The following WDR59 variants were observed in gnomAD, a reference collection of about 807,000 sequenced individuals.
WDR59 encodes WD repeat domain 59, also known as GATOR2 complex protein WDR59.
WDR59 carries 100 observed loss-of-function variants against 131.2 expected under a neutral mutation model. The ratio of observed to expected loss-of-function variants is 0.76; its 90% CI spans 0.65 to 0.90. The LOEUF (loss-of-function observed/expected upper bound fraction) is 0.90, where lower values mean the gene tolerates loss of function less well. Ranked by LOEUF, WDR59 falls within the 40% of genes least tolerant of loss-of-function variation. WDR59 has a pLI of 0.00. For synonymous variants in WDR59, 601 were observed against 466.2 expected (o/e 1.29, Z -3.72); for missense variants, 1,203 against 1,262.2 (o/e 0.95, Z 0.71).
chr16:74,909,496 C>T lies in WDR59; in HGVS notation c.1642+5G>A, dbSNP rs201527067. Reference sequence around the variant, plus strand: ...ATCTAGAATCAAAGAACCAAAGAGACCCACCTGCTCCGCAGAACCTGGCCC... The same window carrying T: ...ATCTAGAATCAAAGAACCAAAGAGATCCACCTGCTCCGCAGAACCTGGCCC... On this transcript the variant is annotated splice_donor_5th_base_variant and intron_variant, in intron 16 of 25. Transcript: ENST00000262144. 5.4e-5 allele frequency: 83 copies of T among 1,547,024 alleles called. No homozygotes were observed. The highest frequency in any genetic ancestry group is 6.7e-5 in the Non-Finnish European group (77 of 1,150,442).
intron 9 of WDR59, among the ~76,000 whole-genome samples, chr16:74,923,166 G>T (rs982116235): frequency 6.6e-6 from 1 of 152,136 alleles, no homozygotes; most frequent in African/African-American, 2.4e-5. Flanking sequence ...AAAAAGGAGG[G>T]CATAGTAAAA....
rs1333368674 is a variant in WDR59, at chr16:74,949,801, G to A, written c.327-3C>T. 2 of 1,613,598 alleles carry A rather than the reference G, an allele frequency of 1.2e-6. No individual in the cohort carries two copies. Among genetic ancestry groups the A allele is most frequent in the Non-Finnish European group, 1.7e-6 (2 of 1,179,716 alleles). On this transcript the variant is annotated splice_polypyrimidine_tract_variant and splice_region_variant and intron_variant, in intron 4 of 25. Coordinates refer to ENST00000262144, the MANE Select transcript of WDR59 (RefSeq NM_030581.4). ...CAAACACCGCCCAGTCCAAGTCGCT[G>A]GGACACAAAGAATAAACAGAACAAA...
intron 20 of WDR59, 83 bp downstream of exon 20, chr16:74,892,401 T>C (rs1037282077): frequency 2.3e-5 from 27 of 1,159,098 alleles, no homozygotes; most frequent in East Asian, 4.7e-5. Flanking sequence ...ACTTTGAAAA[T>C]GTCATTAAAT....
chr16:74,875,369 T>C (rs959038665), intron 25 of WDR59, among the ~76,000 whole-genome samples: 1 of 152,170 alleles, frequency 6.6e-6, no homozygotes, highest in Non-Finnish European at 1.5e-5. Context: ...GGGTGGGGAC[T>C]GTGTCCCATC....
chr16:74,960,093 G>A (rs983398734), intron 2 of WDR59, among the ~76,000 whole-genome samples: 24 of 152,036 alleles, frequency 1.6e-4, no homozygotes, highest in African/African-American at 5.8e-4. Context: ...ACTTTGGGAG[G>A]CCGAGGCGGG....
chr16:74,921,443 A>G (rs1309294834), intron 10 of WDR59, among the ~76,000 whole-genome samples: 1 of 152,152 alleles, frequency 6.6e-6, no homozygotes, highest in Non-Finnish European at 1.5e-5. Flanking sequence ...TTCCATCCAA[A>G]ACTACCGGTC....
intron 8 of WDR59, among the ~76,000 whole-genome samples, chr16:74,936,790 A>G (rs376984814): frequency 5.9e-5 from 9 of 152,072 alleles, no homozygotes; most frequent in East Asian, 1.9e-4. Context: ...ACACCACTGC[A>G]CTCCAGCCTG....
intron 3 of WDR59, among the ~76,000 whole-genome samples, chr16:74,951,947 T>C (rs1285471217): frequency 6.6e-6 from 1 of 151,420 alleles, no homozygotes; most frequent in East Asian, 1.9e-4. Context: ...AGCTCACCCT[T>C]CCATGACCAA....
At position 74,873,428 on chromosome 16, in the gene WDR59, C is replaced by G. The variant is rs1964053551; in HGVS notation, c.*781G>C. On this transcript the variant is annotated 3_prime_UTR_variant, in exon 26 of 26. Coordinates refer to ENST00000262144, the MANE Select transcript of WDR59 (RefSeq NM_030581.4). The stretch of plus-strand genomic sequence containing the variant: ...TAAGACTCTTGGGGCTAGGAAGAAC[C>G]TTAAATGTCAAATTCCATTTTCTCT... 1 of 152,170 alleles carries G rather than the reference C, an allele frequency of 6.6e-6. No homozygotes were observed. Among genetic ancestry groups the G allele is most frequent in the African/African-American group, 2.4e-5 (1 of 41,440 alleles). 9.4% of individuals were successfully genotyped at this position (152,170 alleles called of 1,614,324 possible).
At chr16:74,958,605 A>AAAAAAAAC (rs2033412267) in intron 2 of WDR59, among the ~76,000 whole-genome samples, 4 of 141,940 alleles carry the variant, frequency 2.8e-5, no homozygotes, top group South Asian at 2.3e-4. Flanking sequence ...AAAAAAAAAA[A>AAAAAAAAC]AAAAAAAAAA....
intron 1 of WDR59, among the ~76,000 whole-genome samples, chr16:74,966,202 G>C (rs1035803513): frequency 2.6e-5 from 4 of 152,054 alleles, no homozygotes; most frequent in African/African-American, 9.7e-5. Context: ...AAGACAGGCT[G>C]GGCGGGGTGG....
chr16:74,948,138 T>A (rs1359805702), intron 6 of WDR59, among the ~76,000 whole-genome samples: 1 of 152,094 alleles, frequency 6.6e-6, no homozygotes, highest in Non-Finnish European at 1.5e-5. Flanking sequence ...AAAGATGAAA[T>A]AAAATTGGAT....
chr16:74,885,600 A>C, intron 25 of WDR59, 53 bp downstream of exon 25: 1 of 1,594,052 alleles, frequency 6.3e-7, no homozygotes, highest in South Asian at 1.1e-5. Context: ...TGGACATATT[A>C]AATTACAGGA....
At chr16:74,909,438 A>C (rs1276277047) in intron 16 of WDR59, 63 bp downstream of exon 16, 1 of 1,480,874 alleles carries the variant, frequency 6.8e-7, no homozygotes, top group African/African-American at 1.4e-5. Flanking sequence ...GTTTATACAG[A>C]ATCTATGACA....
chr16:74,940,391 A>AC (rs1260118042), intron 7 of WDR59, among the ~76,000 whole-genome samples: 1 of 151,842 alleles, frequency 6.6e-6, no homozygotes, highest in Non-Finnish European at 1.5e-5. Flanking sequence ...AAAAAAAAAA[A>AC]AACAACAACA....
intron 18 of WDR59, among the ~76,000 whole-genome samples, chr16:74,897,024 TAATA>T (rs1318353967): frequency 6.6e-6 from 1 of 152,202 alleles, no homozygotes; most frequent in Non-Finnish European, 1.5e-5. Context: ...TATTAAAAAC[TAATA>T]AATAAATTCT....
At chr16:74,900,231 A>C (rs1440260695) in intron 18 of WDR59, among the ~76,000 whole-genome samples, 1 of 152,064 alleles carries the variant, frequency 6.6e-6, no homozygotes, top group Non-Finnish European at 1.5e-5. Context: ...TTTTCTGGTA[A>C]GTGTTTGGGG....
At chr16:74,956,799 G>C (rs2033313186) in intron 2 of WDR59, among the ~76,000 whole-genome samples, 189 bp from the exon 3 acceptor site, 1 of 152,112 alleles carries the variant, frequency 6.6e-6, no homozygotes, top group East Asian at 1.9e-4. Context: ...TCACACAAAG[G>C]GAAGAAGTGT....
chr16:74,893,179 A>G (rs2144832608), intron 19 of WDR59, among the ~76,000 whole-genome samples: 1 of 152,304 alleles, frequency 6.6e-6, no homozygotes, highest in South Asian at 2.1e-4. Flanking sequence ...CACTTCTGTG[A>G]TTATGTTATT....
Sources: gnomAD v4.1 joint callset for allele counts (sites outside exome capture counted in the v4.1 genomes callset) on GRCh38, gnomAD v4.1.1 for gene constraint, MANE v1.5 for transcripts, NCBI Gene and HGNC (gene_info 2026-07-23, HGNC 2026-07-21) for gene names.